The following NNT variants were observed in gnomAD, a reference collection of about 807,000 sequenced individuals.
NNT encodes the protein nicotinamide nucleotide transhydrogenase, also known as NAD(P) transhydrogenase, mitochondrial.
A neutral mutation model predicts 104.8 loss-of-function variants in NNT; 50 were observed. That is an observed-to-expected ratio of 0.48 (90% confidence interval 0.38 to 0.60). NNT has a LOEUF of 0.60. Among genes scored for constraint, NNT ranks in the 20% least tolerant of loss-of-function variants. The pLI is 0.00. For missense variants in NNT, 1,131 were observed against 1,330.7 expected, an observed-to-expected ratio of 0.85 and a Z score of 2.33; for synonymous variants, 461 against 490.4, an observed-to-expected ratio of 0.94 and a Z score of 0.79.
At chr5:43,667,538 A>G (rs890286333) in intron 17 of NNT, among the ~76,000 whole-genome samples, 6 of 151,634 alleles carry the variant, frequency 4.0e-5, no homozygotes, top group African/African-American at 1.2e-4. Context: ...TGTTCTTGCG[A>G]TAGTTTGCTG....
At chr5:43,656,388 T>A (rs1447290437) in intron 15 of NNT, among the ~76,000 whole-genome samples, 2 of 152,108 alleles carry the variant, frequency 1.3e-5, no homozygotes, top group African/African-American at 4.8e-5. Flanking sequence ...TTGTAAGAGT[T>A]TTTTTCCCCT....
chr5:43,679,223 C>A (rs1047597536), intron 19 of NNT, among the ~76,000 whole-genome samples: 6 of 152,160 alleles, frequency 3.9e-5, no homozygotes, highest in Non-Finnish European at 8.8e-5. Flanking sequence ...TGTTAAACAA[C>A]GTTTTATGAT....
At chr5:43,648,748 T>C (rs1739589849) in intron 10 of NNT, among the ~76,000 whole-genome samples, 1 of 152,242 alleles carries the variant, frequency 6.6e-6, no homozygotes, top group Non-Finnish European at 1.5e-5. Context: ...AGGTTGTGTC[T>C]TGCCCAAGTA....
intron 7 of NNT, among the ~76,000 whole-genome samples, chr5:43,629,664 C>T (rs559635429): frequency 2.0e-5 from 3 of 152,264 alleles, no homozygotes; most frequent in African/African-American, 4.8e-5. Context: ...TAAATTATGG[C>T]CATTCTTGCA....
rs796416859 is a variant in NNT at position 43,652,969 on chromosome 5, A to C, written c.1864-49A>C. ...GAAAATATATTGAAATCTCTAAGCT[A>C]ATAGACCAAAGGTTTTAATAATCTC... On this transcript the variant is annotated intron_variant, in intron 13 of 21. Coordinates refer to ENST00000344920, the MANE Select transcript of NNT (RefSeq NM_182977.3). The C allele has an allele frequency of 1.3e-5, 19 of 1,466,242 alleles. No homozygotes were observed. The African/African-American group carries it at 2.5e-4, about 19-fold the overall frequency. 90.8% of individuals were successfully genotyped at this position (1,466,242 alleles called of 1,614,324 possible). A position where few individuals can be genotyped will look rare whatever the true frequency, so the allele number is the denominator to read the frequency against.
intron 5 of NNT, among the ~76,000 whole-genome samples, chr5:43,620,535 G>A (rs1750031495): frequency 6.6e-6 from 1 of 151,982 alleles, no homozygotes; most frequent in Non-Finnish European, 1.5e-5. Flanking sequence ...CTGCTCTTAA[G>A]TACTTTGTTA....
intron 21 of NNT, 115 bp downstream of exon 21, chr5:43,702,851 G>T: frequency 1.5e-6 from 1 of 685,616 alleles, no homozygotes; most frequent in Non-Finnish European, 2.4e-6. Context: ...GAGGCCAGGA[G>T]TAAGAGCATG....
intron 19 of NNT, among the ~76,000 whole-genome samples, chr5:43,678,037 G>A (rs374746828): frequency 6.6e-6 from 1 of 152,080 alleles, no homozygotes; most frequent in South Asian, 2.1e-4. Flanking sequence ...AACAAATTTT[G>A]TATATTATAT....
chr5:43,665,603 G>C (rs781145612), intron 17 of NNT, among the ~76,000 whole-genome samples: 1 of 152,178 alleles, frequency 6.6e-6, no homozygotes, highest in Non-Finnish European at 1.5e-5. Context: ...TCTTAGTACA[G>C]AACAAAATGG....
intron 17 of NNT, among the ~76,000 whole-genome samples, chr5:43,666,323 G>A (rs1210902391): frequency 2.0e-5 from 3 of 152,172 alleles, no homozygotes; most frequent in African/African-American, 7.2e-5. Flanking sequence ...GAGTGAGCGA[G>A]ACTCCGTCTG....
At position 43,663,463 on chromosome 5, in the gene NNT, A is replaced by T. The variant is rs150217398; in HGVS notation, c.2634+4113A>T. On this transcript the variant is annotated intron_variant, in intron 17 of 21. Coordinates refer to ENST00000344920, the MANE Select transcript of NNT (RefSeq NM_182977.3). Reference sequence around the variant, plus strand: ...AAACCAACAAATACAAGCCTGTCATATTTTTCGATTTTGAAGATGGAAATT... The same window carrying T: ...AAACCAACAAATACAAGCCTGTCATTTTTTTCGATTTTGAAGATGGAAATT... Among the ~76,000 whole-genome samples, 244 of 152,262 alleles carry T rather than the reference A, an allele frequency of 1.6e-3. 1 individual carries two copies. Among genetic ancestry groups the T allele is most frequent in the Non-Finnish European group, 2.6e-3 (177 of 68,008 alleles).
chr5:43,649,757 A>C (rs915268094), intron 11 of NNT, among the ~76,000 whole-genome samples: 1 of 152,114 alleles, frequency 6.6e-6, no homozygotes, highest in Non-Finnish European at 1.5e-5. Flanking sequence ...GGGACAGGAA[A>C]ACACAGCTTT....
intron 7 of NNT, 71 bp downstream of exon 7, chr5:43,628,458 A>AT (rs1750486465): frequency 8.5e-7 from 1 of 1,170,270 alleles, no homozygotes; most frequent in Non-Finnish European, 1.2e-6. Flanking sequence ...GCGAGAGTGA[A>AT]TGATTGCTTA....
intron 17 of NNT, chr5:43,666,898 A>C: frequency 1.9e-6 from 3 of 1,562,884 alleles, no homozygotes; most frequent in Middle Eastern, 2.3e-4. Flanking sequence ...CCCCTTGGCA[A>C]TACAGGCACA....
In NNT at chr5:43,618,174, C is replaced by T. The variant is rs536698321; in HGVS notation, c.600-858C>T. Among the ~76,000 whole-genome samples the T allele has an allele frequency of 5.9e-5, 9 of 152,300 alleles. No homozygotes were observed. The South Asian group carries it at 1.9e-3, about 32-fold the overall frequency. On this transcript the variant is annotated intron_variant, in intron 4 of 21. Transcript: ENST00000344920. Reference sequence around the variant, plus strand: ...AAATAGTTTGTTTCTTTGGCTAAAACACTTAATATTCACTGAGCATTTTCT... The same window carrying T: ...AAATAGTTTGTTTCTTTGGCTAAAATACTTAATATTCACTGAGCATTTTCT...
At chr5:43,605,160 C>G (rs185794345) in intron 1 of NNT, among the ~76,000 whole-genome samples, 83 of 152,276 alleles carry the variant, frequency 5.5e-4, no homozygotes, top group Admixed American at 4.5e-3. Context: ...ATTTTAATAT[C>G]TAATAGGGGA....
rs192678521 is a variant in NNT at position 43,649,775 on chromosome 5, G to A, written c.1606+467G>A. Among the ~76,000 whole-genome samples, 26 of 152,238 alleles carry A rather than the reference G, an allele frequency of 1.7e-4. No individual in the cohort carries two copies. In the East Asian group the frequency reaches 5.0e-3, roughly 29 times the overall value. On this transcript the variant is annotated intron_variant, in intron 11 of 21. Coordinates refer to ENST00000344920, the MANE Select transcript of NNT (RefSeq NM_182977.3). ...ACAGGAAAACACAGCTTTCCAGTGA[G>A]GTGGCATCAGGCATTTCTCTTTGGT...
intron 5 of NNT, among the ~76,000 whole-genome samples, chr5:43,619,887 T>G (rs990904291): frequency 3.3e-5 from 5 of 152,078 alleles, no homozygotes; most frequent in Admixed American, 1.3e-4. Context: ...TGGTGGACAG[T>G]GTAAAGGGAG....
intron 10 of NNT, chr5:43,648,149 C>CT: frequency 1.8e-6 from 2 of 1,140,064 alleles, no homozygotes; most frequent in Non-Finnish European, 2.2e-6. Flanking sequence ...GGTTAATGGG[C>CT]TATGCACTGG....
Sources: allele counts gnomAD v4.1 joint callset (sites outside exome capture counted in the v4.1 genomes callset), GRCh38; gene constraint gnomAD v4.1.1; transcripts MANE v1.5; gene names NCBI Gene and HGNC (gene_info 2026-07-23, HGNC 2026-07-21).